Variants in RNF32 observed in about 807,000 individuals in gnomAD.
RNF32 encodes ring finger protein 32.
Under a neutral mutation model 41.0 loss-of-function variants are expected in RNF32, and 36 were observed. The ratio of observed to expected loss-of-function variants is 0.88; its 90% confidence interval spans 0.67 to 1.16. The LOEUF (loss-of-function observed/expected upper bound fraction) is 1.16, where lower values mean the gene tolerates loss of function less well. Among genes scored for constraint, RNF32 ranks in the 50% most tolerant of loss-of-function variants. The pLI, the probability that RNF32 is intolerant of heterozygous loss-of-function variation, is 0.00. For missense variants in RNF32, 413 were observed against 436.7 expected (o/e 0.95, Z 0.48); for synonymous variants, 154 against 160.9 (o/e 0.96, Z 0.32).
chr7:156,644,314 C>T (rs1797723810), intron 2 of RNF32, among the ~76,000 whole-genome samples, 185 bp from the exon 3 acceptor site: 1 of 152,090 alleles, frequency 6.6e-6, no homozygotes, highest in African/African-American at 2.4e-5. Flanking sequence ...AAAGATATTC[C>T]TGTATTGTTA....
intron 3 of RNF32, among the ~76,000 whole-genome samples, chr7:156,652,062 T>G (rs1042366626): frequency 6.6e-6 from 1 of 152,034 alleles, no homozygotes; most frequent in Non-Finnish European, 1.5e-5. Flanking sequence ...CCTGGAGGAG[T>G]GCGGAGGAGA....
At chr7:156,658,990 C>T (rs766948852) in intron 7 of RNF32, 123 of 1,498,862 alleles carry the variant, frequency 8.2e-5, no homozygotes, top group Non-Finnish European at 1.0e-4. Context: ...CACATGCTAC[C>T]ATTGTATTGA....
At chr7:156,656,241 T>C (rs752342754) in intron 4 of RNF32, among the ~76,000 whole-genome samples, 1 of 152,220 alleles carries the variant, frequency 6.6e-6, no homozygotes, top group Non-Finnish European at 1.5e-5. Flanking sequence ...TGGAATCCAA[T>C]CCTAACTTCT....
intron 3 of RNF32, among the ~76,000 whole-genome samples, chr7:156,648,355 G>A (rs961672786): frequency 6.6e-6 from 1 of 152,116 alleles, no homozygotes; most frequent in Admixed American, 6.5e-5. Context: ...TAACAAGCTC[G>A]ATGTCTTCTA....
At chr7:156,648,117 A>G (rs1372504911) in intron 3 of RNF32, among the ~76,000 whole-genome samples, 1 of 151,910 alleles carries the variant, frequency 6.6e-6, no homozygotes, top group East Asian at 1.9e-4. Context: ...CTGTTTTTAC[A>G]ACCTTTTGTA....
intron 3 of RNF32, among the ~76,000 whole-genome samples, chr7:156,652,530 C>T (rs546761161): frequency 6.6e-6 from 1 of 152,202 alleles, no homozygotes; most frequent in East Asian, 1.9e-4. Flanking sequence ...ATTACAGTCA[C>T]GTGCCACATA....
intron 3 of RNF32, among the ~76,000 whole-genome samples, chr7:156,648,328 T>C (rs889914568): frequency 1.3e-5 from 2 of 152,158 alleles, no homozygotes; most frequent in African/African-American, 4.8e-5. Flanking sequence ...TGATGCTGTC[T>C]TCCTCTGAAC....
intron 3 of RNF32, among the ~76,000 whole-genome samples, chr7:156,653,520 G>A (rs140478237): frequency 3.3e-5 from 5 of 152,164 alleles, no homozygotes; most frequent in Admixed American, 6.5e-5. Flanking sequence ...TTCTGTACTC[G>A]AAAGTGTCCC....
intron 3 of RNF32, among the ~76,000 whole-genome samples, chr7:156,653,596 T>TA (rs1461382739): frequency 3.9e-5 from 6 of 152,240 alleles, no homozygotes; most frequent in Non-Finnish European, 7.3e-5. Context: ...GATATCCTTG[T>TA]AAGTCGATGC....
At chr7:156,655,513 A>C (rs1799519056) in intron 4 of RNF32, among the ~76,000 whole-genome samples, 1 of 152,208 alleles carries the variant, frequency 6.6e-6, no homozygotes, top group South Asian at 2.1e-4. Flanking sequence ...AACACAGCAA[A>C]TACAGTTAAA....
chr7:156,643,581 G>C (rs1169394058), intron 1 of RNF32, among the ~76,000 whole-genome samples: 1 of 152,152 alleles, frequency 6.6e-6, no homozygotes, highest in Non-Finnish European at 1.5e-5. Flanking sequence ...GTGTCCTCAG[G>C]AGCTCAGGGG....
At chr7:156,663,434 T>C (rs1800924609) in intron 7 of RNF32, among the ~76,000 whole-genome samples, 1 of 152,172 alleles carries the variant, frequency 6.6e-6, no homozygotes, top group Non-Finnish European at 1.5e-5. Flanking sequence ...TGTACCACAC[T>C]GATAAGAAAA....
rs557846036 is a variant in RNF32, at chr7:156,658,663, G to T, written c.684+93G>T. 88 of 866,892 alleles carry T rather than the reference G, an allele frequency of 1.0e-4. No individual in the cohort carries two copies. In the African/African-American group the frequency reaches 1.4e-3, roughly 14 times the overall value. 53.7% of individuals were successfully genotyped at this position (866,892 alleles called of 1,614,324 possible). Reference sequence around the variant, plus strand: ...GCTAACAGAGGTGGTAAAACTTTGAGACTTACTTCACTTTGAGGGCTTTTT... The same window carrying T: ...GCTAACAGAGGTGGTAAAACTTTGATACTTACTTCACTTTGAGGGCTTTTT... On this transcript the variant is annotated intron_variant, in intron 7 of 8. Coordinates refer to ENST00000317955, the MANE Select transcript of RNF32 (RefSeq NM_030936.4).
chr7:156,662,516 G>GA (rs989903283), intron 7 of RNF32, among the ~76,000 whole-genome samples: 1 of 152,052 alleles, frequency 6.6e-6, no homozygotes, highest in African/African-American at 2.4e-5. Context: ...TGAATCAGTG[G>GA]ACTCAGTAAA....
intron 3 of RNF32, among the ~76,000 whole-genome samples, chr7:156,649,009 T>C (rs1323818769): frequency 6.6e-6 from 1 of 152,254 alleles, no homozygotes; most frequent in African/African-American, 2.4e-5. Flanking sequence ...ACAGTTTGTT[T>C]TGCTTATGAT....
intron 7 of RNF32, among the ~76,000 whole-genome samples, chr7:156,671,998 T>C (rs764429893): frequency 9.2e-5 from 14 of 152,200 alleles, no homozygotes; most frequent in Admixed American, 8.5e-4. Flanking sequence ...TCATCAAAAC[T>C]TGTGGAAAGG....
Position 156,676,926 on chromosome 7 carries a change from T to C in RNF32, c.*271T>C, listed in dbSNP as rs12007. On this transcript the variant is annotated 3_prime_UTR_variant, in exon 9 of 9. Coordinates refer to ENST00000317955, the MANE Select transcript of RNF32 (RefSeq NM_030936.4). The stretch of plus-strand genomic sequence containing the variant: ...ATGAGAGCTTGCTTACTTCTAAAAA[T>C]TGAGGTTAAGATATAGCTAGTGTCT... The C allele has an allele frequency of 0.37, 145,445 of 393,994 alleles. 28,456 individuals are homozygous for C. The highest frequency in any genetic ancestry group is 0.51 in the African/African-American group (25,528 of 49,722). The allele number at this position is 393,994 out of a possible 1,614,324, so 24.4% of individuals were successfully genotyped here.
chr7:156,643,978 TTGCA>T (rs1395849801), intron 2 of RNF32, 86 bp downstream of exon 2: 2 of 1,202,072 alleles, frequency 1.7e-6, no homozygotes, highest in Non-Finnish European at 2.5e-6. Context: ...AAAAACTAGT[TTGCA>T]AACCCTGCTT....
chr7:156,659,941 T>C (rs979092341), intron 7 of RNF32: 14 of 985,244 alleles, frequency 1.4e-5, no homozygotes, highest in Non-Finnish European at 1.6e-5. Context: ...AGTTCCTCAG[T>C]TTCTAATTCA....
Sources: gnomAD v4.1 joint callset for allele counts (sites outside exome capture counted in the v4.1 genomes callset) on GRCh38, gnomAD v4.1.1 for gene constraint, MANE v1.5 for transcripts, NCBI Gene and HGNC (gene_info 2026-07-23, HGNC 2026-07-21) for gene names.